The following CNTLN variants were observed in gnomAD, a reference collection of about 807,000 sequenced individuals.
CNTLN encodes centlein, centrosomal protein.
CNTLN carries 212 observed loss-of-function variants against 180.0 expected under a neutral mutation model. The ratio of observed to expected loss-of-function variants is 1.18; its 90% CI spans 1.05 to 1.32. The LOEUF is 1.32. CNTLN is among the 40% of genes most tolerant of loss of function. The pLI is 0.00. For missense variants in CNTLN, 2,095 were observed against 1,610.9 expected, an observed-to-expected ratio of 1.30 and a Z score of -5.14; for synonymous variants, 722 against 563.1, an observed-to-expected ratio of 1.28 and a Z score of -3.99.
chr9:17,198,571 A>C (rs114937248), intron 2 of CNTLN, among the ~76,000 whole-genome samples: 2 of 143,512 alleles, frequency 1.4e-5, no homozygotes, highest in African/African-American at 2.6e-5. Context: ...TGCTGTTGGC[A>C]TATAGAAATG....
intron 14 of CNTLN, among the ~76,000 whole-genome samples, chr9:17,394,049 A>G (rs559896110): frequency 4.6e-5 from 7 of 152,180 alleles, no homozygotes; most frequent in Admixed American, 4.6e-4. Flanking sequence ...TGAGGACCAC[A>G]TGACTACTAA....
chr9:17,283,220 G>A (rs984769308), intron 6 of CNTLN, among the ~76,000 whole-genome samples: 6 of 152,164 alleles, frequency 3.9e-5, no homozygotes, highest in African/African-American at 1.4e-4. Flanking sequence ...CTATCCATGA[G>A]CATGGAATGT....
At chr9:17,215,860 G>A (rs903089167) in intron 2 of CNTLN, among the ~76,000 whole-genome samples, 1 of 152,150 alleles carries the variant, frequency 6.6e-6, no homozygotes, top group African/African-American at 2.4e-5. Flanking sequence ...CCAGGCGCGG[G>A]GTATAATCTC....
intron 2 of CNTLN, among the ~76,000 whole-genome samples, chr9:17,150,341 A>G (rs1196184459): frequency 6.6e-6 from 1 of 152,152 alleles, no homozygotes; most frequent in Admixed American, 6.5e-5. Flanking sequence ...GGTGTAAGTG[A>G]GGGGTCCAGT....
At chr9:17,312,345 ATATATATATATATATATAT>A (rs1178527049) in intron 8 of CNTLN, among the ~76,000 whole-genome samples, 5 of 14,612 alleles carry the variant, frequency 3.4e-4, no homozygotes, top group Admixed American at 1.0e-3. Flanking sequence ...TACTGTATTT[ATATATATATATATATATAT>A]TATATATATA....
chr9:17,476,472 A>T (rs1832353747), intron 23 of CNTLN, among the ~76,000 whole-genome samples: 1 of 152,242 alleles, frequency 6.6e-6, no homozygotes, highest in Non-Finnish European at 1.5e-5. Context: ...AGATAGGCTG[A>T]AACTAGGCCT....
chr9:17,480,198 CA>C (rs963288503), intron 23 of CNTLN, among the ~76,000 whole-genome samples: 1 of 151,642 alleles, frequency 6.6e-6, no homozygotes, highest in Non-Finnish European at 1.5e-5. Flanking sequence ...CTCTAAAAAA[CA>C]AAAAAACATA....
intron 13 of CNTLN, among the ~76,000 whole-genome samples, chr9:17,385,602 G>A (rs1825626911): frequency 6.6e-6 from 1 of 151,950 alleles, no homozygotes; most frequent in South Asian, 2.1e-4. Context: ...AAATACAGTG[G>A]ACCCTCTGTA....
Position 17,466,811 on chromosome 9 carries a change from A to G in CNTLN, c.3775A>G (p.Ser1259Gly). Residue 1259 changes from serine (S) to glycine (G), a missense_variant, in exon 23 of 26, where the codon AGT (serine) becomes GGT (glycine). Ser to Gly is a moderately conservative substitution (Grantham distance 56, BLOSUM62 0). Transcript: ENST00000380647. ...GCAGCTTCAAGAATTAGCATTGCAA[A>G]GTGAACAGGTCCTAGAAGGTGCACA... The part of the protein sequence containing the change: ...SKQLQELALQ[S>G]EQVLEGAQKT... 5 of 1,611,328 alleles carry G rather than the reference A, an allele frequency of 3.1e-6. No individual in the cohort carries two copies. The highest frequency in any genetic ancestry group is 1.1e-5 in the South Asian group (1 of 90,980).
chr9:17,525,997 G>T, the CNTLN span, among the ~76,000 whole-genome samples: 1 of 151,782 alleles, frequency 6.6e-6, no homozygotes. Context: ...GTGCAGTGGC[G>T]CAATCTCGGC....
intron 16 of CNTLN, among the ~76,000 whole-genome samples, chr9:17,409,859 A>G (rs1827704954): frequency 6.6e-6 from 1 of 152,080 alleles, no homozygotes; most frequent in African/African-American, 2.4e-5. Flanking sequence ...CTAGCCTCTC[A>G]ATGTATTTTA....
intron 6 of CNTLN, among the ~76,000 whole-genome samples, chr9:17,275,023 C>T (rs1221702384): frequency 6.6e-6 from 1 of 151,992 alleles, no homozygotes; most frequent in African/African-American, 2.4e-5. Context: ...AGATGATAGA[C>T]TGGTTAACAT....
intron 1 of CNTLN, among the ~76,000 whole-genome samples, chr9:17,138,779 C>T (rs16935348): frequency 0.019 from 2,950 of 152,116 alleles, 62 homozygotes; most frequent in African/African-American, 0.05. Context: ...CAGTAGAGGT[C>T]AATTGAGGGC....
At chr9:17,418,915 A>T (rs1197968108) in intron 18 of CNTLN, among the ~76,000 whole-genome samples, 1 of 152,046 alleles carries the variant, frequency 6.6e-6, no homozygotes, top group Admixed American at 6.6e-5. Flanking sequence ...GAGGAACACA[A>T]AGTATTCTTT....
chr9:17,172,789 A>G (rs1261873514), intron 2 of CNTLN, among the ~76,000 whole-genome samples: 1 of 152,172 alleles, frequency 6.6e-6, no homozygotes, highest in African/African-American at 2.4e-5. Flanking sequence ...TTTATTGCTA[A>G]GTCTACTTAT....
At chr9:17,202,646 G>GTTTTTTTGTT (rs1554656178) in intron 2 of CNTLN, among the ~76,000 whole-genome samples, 21 of 71,466 alleles carry the variant, frequency 2.9e-4, no homozygotes, top group African/African-American at 1.1e-3. Context: ...TGCAACCTCT[G>GTTTTTTTGTT]TTTTTTTTTT....
At chr9:17,434,679 G>T (rs1164497931) in intron 18 of CNTLN, among the ~76,000 whole-genome samples, 1 of 151,946 alleles carries the variant, frequency 6.6e-6, no homozygotes, top group East Asian at 1.9e-4. Flanking sequence ...ACAAAATTAC[G>T]ATTTCAGCTG....
chr9:17,303,548 A>G (rs1277649004), intron 7 of CNTLN, among the ~76,000 whole-genome samples: 1 of 143,102 alleles, frequency 7.0e-6, no homozygotes, highest in Non-Finnish European at 1.5e-5. Context: ...TTTTTTACTA[A>G]CGCTTTTTTT....
At chr9:17,364,376 A>G (rs1823636177) in intron 12 of CNTLN, among the ~76,000 whole-genome samples, 1 of 152,110 alleles carries the variant, frequency 6.6e-6, no homozygotes, top group African/African-American at 2.4e-5. Context: ...CTTGCTATTG[A>G]ACCCATCCAT....
Sources: gnomAD v4.1 joint callset for allele counts (sites outside exome capture counted in the v4.1 genomes callset) on GRCh38, gnomAD v4.1.1 for gene constraint, MANE v1.5 for transcripts, NCBI Gene and HGNC (gene_info 2026-07-23, HGNC 2026-07-21) for gene names.